The following TMPRSS15 variants were observed in gnomAD, a reference collection of about 807,000 sequenced individuals.
TMPRSS15 encodes the protein transmembrane serine protease 15.
TMPRSS15 carries 128 observed loss-of-function variants against 125.3 expected under a neutral mutation model. That is an observed-to-expected ratio of 1.02 (90% CI 0.89 to 1.18). The LOEUF is 1.18. Ranked by LOEUF, TMPRSS15 falls within the 50% of genes most tolerant of loss-of-function variation. The pLI is 0.00. For missense variants in TMPRSS15, 1,283 were observed against 1,212.7 expected (o/e 1.06, Z -0.86); for synonymous variants, 446 against 423.2 (o/e 1.05, Z -0.66).
intron 24 of TMPRSS15, among the ~76,000 whole-genome samples, chr21:18,272,549 C>T (rs559578155): frequency 1.3e-5 from 2 of 151,864 alleles, no homozygotes; most frequent in Non-Finnish European, 2.9e-5. Flanking sequence ...CATGGTGAAA[C>T]CCGGTCTCTA....
chr21:18,383,507 C>A, intron 4 of TMPRSS15, 120 bp downstream of exon 4: 1 of 1,182,574 alleles, frequency 8.5e-7, no homozygotes, highest in Non-Finnish European at 1.2e-6. Flanking sequence ...AATGTGTCAC[C>A]TCAGGCAATA....
chr21:18,276,200 G>A (rs558531331), intron 23 of TMPRSS15, among the ~76,000 whole-genome samples: 1 of 152,108 alleles, frequency 6.6e-6, no homozygotes, highest in African/African-American at 2.4e-5. Flanking sequence ...AAGTGTGTTC[G>A]TGCACACGTG....
chr21:18,337,825 A>G (rs57290564), intron 13 of TMPRSS15, among the ~76,000 whole-genome samples: 6,189 of 152,254 alleles, frequency 0.041, 376 homozygotes, highest in African/African-American at 0.13. Flanking sequence ...AAAAAGCTCT[A>G]CTCAAATAAG....
chr21:18,287,919 CTA>C (rs1177052152), intron 21 of TMPRSS15, among the ~76,000 whole-genome samples: 13 of 152,266 alleles, frequency 8.5e-5, no homozygotes, highest in Admixed American at 7.2e-4. Flanking sequence ...TCTCTACTGT[CTA>C]TGACTATTTA....
At chr21:18,385,892 C>T (rs1185077092) in intron 3 of TMPRSS15, among the ~76,000 whole-genome samples, 1 of 152,024 alleles carries the variant, frequency 6.6e-6, no homozygotes, top group Non-Finnish European at 1.5e-5. Context: ...TACAGGTGCC[C>T]GACACCATGC....
At position 18,297,817 on chromosome 21, in the gene TMPRSS15, T is replaced by G. The variant is rs369657590; in HGVS notation, c.2178A>C (p.Ser726=). 6.2e-7 allele frequency: 1 copy of G among 1,612,672 alleles called. No individual in the cohort carries two copies. The highest frequency in any genetic ancestry group is 8.5e-7 in the Non-Finnish European group (1 of 1,178,840). The change falls in exon 19 of 25, where the codon TCA becomes TCC. Residue 726 remains serine, a synonymous_variant. Coordinates refer to ENST00000284885, the MANE Select transcript of TMPRSS15 (RefSeq NM_002772.3). ...CQLLGLGSGN[S]SKPIFPTDGG... ...CATCGGTAGGGAAGATTGGCTTTGA[T>G]GAGTTTCCACTCCTAGAGAAAAAAG...
chr21:18,353,654 A>G (rs2075594912), intron 9 of TMPRSS15, 69 bp downstream of exon 9: 3 of 1,437,852 alleles, frequency 2.1e-6, no homozygotes, highest in Middle Eastern at 2.5e-4. Flanking sequence ...AGATTCTGCT[A>G]CCTTTAAAAT....
Position 18,378,395 on chromosome 21 carries a change from T to C in TMPRSS15, c.532+888A>G, listed in dbSNP as rs371330756. Among the ~76,000 whole-genome samples, 6 of 152,138 alleles carry C rather than the reference T, an allele frequency of 3.9e-5. No homozygotes were observed. The East Asian group carries it at 5.8e-4, about 15-fold the overall frequency. ...AACTGCAGAAAGGCTTATTCTATCA[T>C]AACAGACCTTTGTGGGTTTTAGAAT... is the stretch of plus-strand genomic sequence containing the variant. On this transcript the variant is annotated intron_variant, in intron 5 of 24. Transcript: ENST00000284885.
intron 1 of TMPRSS15, among the ~76,000 whole-genome samples, chr21:18,411,178 G>A (rs996616340): frequency 6.6e-6 from 1 of 152,072 alleles, no homozygotes; most frequent in African/African-American, 2.4e-5. Context: ...TATGATACAT[G>A]CTAGAATATT....
At chr21:18,351,055 G>C (rs1394610642) in intron 10 of TMPRSS15, among the ~76,000 whole-genome samples, 3 of 151,668 alleles carry the variant, frequency 2.0e-5, no homozygotes, top group Non-Finnish European at 4.4e-5. Context: ...TAAAGAAGTA[G>C]GATTAGTCAG....
intron 23 of TMPRSS15, among the ~76,000 whole-genome samples, chr21:18,277,694 T>A (rs1377952964): frequency 1.3e-5 from 2 of 152,224 alleles, no homozygotes; most frequent in Non-Finnish European, 2.9e-5. Flanking sequence ...ATGTGAGTAC[T>A]TTGATTCTGA....
At chr21:18,289,179 T>C (rs1433292608) in intron 21 of TMPRSS15, among the ~76,000 whole-genome samples, 2 of 152,198 alleles carry the variant, frequency 1.3e-5, no homozygotes, top group Non-Finnish European at 2.9e-5. Flanking sequence ...ATTTTCAAAG[T>C]TTTATTAGTT....
intron 13 of TMPRSS15, among the ~76,000 whole-genome samples, chr21:18,337,008 T>G (rs2075398895): frequency 6.6e-6 from 1 of 152,246 alleles, no homozygotes; most frequent in Admixed American, 6.5e-5. Flanking sequence ...GTTAGATTAT[T>G]TAGCTCTAAG....
chr21:18,437,532 A>T (rs1394645168), intron 1 of TMPRSS15, among the ~76,000 whole-genome samples: 1 of 152,222 alleles, frequency 6.6e-6, no homozygotes, highest in African/African-American at 2.4e-5. Flanking sequence ...GTCAGAGTGA[A>T]CAGGCAACCT....
chr21:18,299,745 T>G (rs2074945224), intron 18 of TMPRSS15, among the ~76,000 whole-genome samples: 1 of 152,182 alleles, frequency 6.6e-6, no homozygotes, highest in South Asian at 2.1e-4. Flanking sequence ...AAAGTGATGC[T>G]CTTTCCAGAC....
In TMPRSS15 at chr21:18,386,335, C is replaced by A. The variant is rs58929576; in HGVS notation, c.345-2557G>T. Among the ~76,000 whole-genome samples the A allele has an allele frequency of 2.6e-5, 4 of 152,044 alleles. No homozygotes were observed. The East Asian group carries it at 7.8e-4, about 30-fold the overall frequency. On this transcript the variant is annotated intron_variant, in intron 3 of 24. Coordinates refer to ENST00000284885, the MANE Select transcript of TMPRSS15 (RefSeq NM_002772.3). Reference sequence around the variant, plus strand: ...TAATGTGTTTTTATATAATTCCCATCCCCCCACACTCAACAACACTTTTAT... The same window carrying A: ...TAATGTGTTTTTATATAATTCCCATACCCCCACACTCAACAACACTTTTAT...
chr21:18,397,629 C>T (rs1377302235), intron 3 of TMPRSS15, among the ~76,000 whole-genome samples: 1 of 152,024 alleles, frequency 6.6e-6, no homozygotes, highest in African/African-American at 2.4e-5. Flanking sequence ...GCATCTGTAC[C>T]CTCTCCATGT....
At chr21:18,419,339 C>A (rs1470705609) in intron 1 of TMPRSS15, among the ~76,000 whole-genome samples, 1 of 150,930 alleles carries the variant, frequency 6.6e-6, no homozygotes, top group Non-Finnish European at 1.5e-5. Flanking sequence ...CATTCTCCTG[C>A]CTCAGCCTCC....
At chr21:18,344,513 A>G (rs1252731979) in intron 10 of TMPRSS15, among the ~76,000 whole-genome samples, 3 of 152,202 alleles carry the variant, frequency 2.0e-5, no homozygotes, top group African/African-American at 7.2e-5. Flanking sequence ...TCAGTTTTAT[A>G]TTTCACTGAA....
Sources: gnomAD v4.1 joint callset for allele counts (sites outside exome capture counted in the v4.1 genomes callset) on GRCh38, gnomAD v4.1.1 for gene constraint, MANE v1.5 for transcripts, NCBI Gene and HGNC (gene_info 2026-07-23, HGNC 2026-07-21) for gene names.